The following GGNBP2 variants were observed in gnomAD, a reference collection of about 807,000 sequenced individuals.
GGNBP2 encodes the protein gametogenetin binding protein 2.
Under a neutral mutation model 85.9 loss-of-function variants are expected in GGNBP2, and 10 were observed. That is an observed-to-expected ratio of 0.12 (90% confidence interval 0.07 to 0.20). The LOEUF (loss-of-function observed/expected upper bound fraction) is 0.20. Ranked by LOEUF, GGNBP2 falls within the 10% of genes least tolerant of loss-of-function variation. The pLI, the probability that GGNBP2 is intolerant of heterozygous loss-of-function variation, is 1.00. For synonymous variants in GGNBP2, 287 were observed against 285.7 expected (o/e 1.00, Z -0.05); for missense variants, 595 against 857.8 (o/e 0.69, Z 3.83).
At chr17:36,553,170 A>G (rs2074327446) in intron 2 of GGNBP2, among the ~76,000 whole-genome samples, 1 of 152,182 alleles carries the variant, frequency 6.6e-6, no homozygotes. Flanking sequence ...GAAATATAGG[A>G]ACACATACAG....
chr17:36,563,860 C>CAGCCTCCCAAGT (rs2074444053), intron 5 of GGNBP2, among the ~76,000 whole-genome samples: 1 of 151,740 alleles, frequency 6.6e-6, no homozygotes, highest in African/African-American at 2.4e-5. Flanking sequence ...TCTCCTGCCT[C>CAGCCTCCCAAGT]AGCCTCCCAA....
intron 4 of GGNBP2, among the ~76,000 whole-genome samples, chr17:36,559,993 C>T (rs1254490978): frequency 1.3e-5 from 2 of 152,108 alleles, no homozygotes; most frequent in Non-Finnish European, 2.9e-5. Flanking sequence ...CACCACCACA[C>T]CTGTCTAATT....
intron 3 of GGNBP2, among the ~76,000 whole-genome samples, chr17:36,556,659 G>A (rs2142704660): frequency 6.6e-6 from 1 of 150,808 alleles, no homozygotes; most frequent in Non-Finnish European, 1.5e-5. Flanking sequence ...AGCTGAGATT[G>A]TGCTACTGCA....
intron 2 of GGNBP2, among the ~76,000 whole-genome samples, chr17:36,549,810 C>T (rs913678585): frequency 1.3e-5 from 2 of 152,070 alleles, no homozygotes; most frequent in Non-Finnish European, 2.9e-5. Context: ...ACTGTAAGAA[C>T]ATAAATAATG....
At chr17:36,569,591 T>G (rs564544412) in intron 6 of GGNBP2, among the ~76,000 whole-genome samples, 1 of 152,334 alleles carries the variant, frequency 6.6e-6, no homozygotes, top group East Asian at 1.9e-4. Context: ...TGTCATTACT[T>G]TATGTGGCAG....
At chr17:36,553,715 T>G (rs912582750) in intron 2 of GGNBP2, among the ~76,000 whole-genome samples, 1 of 152,220 alleles carries the variant, frequency 6.6e-6, no homozygotes, top group African/African-American at 2.4e-5. Context: ...AGTTAAGATA[T>G]ACATGTGTTA....
At chr17:36,589,061 C>T (rs2074732381) in intron 13 of GGNBP2, 147 bp from the exon 14 acceptor site, 1 of 631,754 alleles carries the variant, frequency 1.6e-6, no homozygotes, top group East Asian at 2.6e-5. Context: ...TGACATGATG[C>T]TTATTCTGCA....
At chr17:36,569,522 C>CAGAT (rs2074502145) in intron 6 of GGNBP2, among the ~76,000 whole-genome samples, 1 of 152,156 alleles carries the variant, frequency 6.6e-6, no homozygotes, top group Non-Finnish European at 1.5e-5. Context: ...GACTTTGAGG[C>CAGAT]AGATATACAC....
chr17:36,578,508 A>G (rs886747959), intron 7 of GGNBP2: 3 of 258,526 alleles, frequency 1.2e-5, no homozygotes, highest in East Asian at 7.4e-5. Flanking sequence ...TCCATGCATT[A>G]TCATGTGTAA....
intron 6 of GGNBP2, among the ~76,000 whole-genome samples, chr17:36,573,770 G>T (rs2074549572): frequency 6.6e-6 from 1 of 152,112 alleles, no homozygotes; most frequent in African/African-American, 2.4e-5. Context: ...GCATTTTCCT[G>T]ATGATTAGTG....
At chr17:36,575,620 A>G (rs1315293868) in intron 6 of GGNBP2, among the ~76,000 whole-genome samples, 1 of 65,920 alleles carries the variant, frequency 1.5e-5, no homozygotes, top group Non-Finnish European at 2.5e-5. Flanking sequence ...TAACATATAT[A>G]TATATATATA....
chr17:36,567,804 T>TGTG (rs1567825237), intron 6 of GGNBP2, 28 bp downstream of exon 6: 1 of 1,210,106 alleles, frequency 8.3e-7, no homozygotes, highest in African/African-American at 1.5e-5. Context: ...TCCAGTATAA[T>TGTG]GTGGAAGGTG....
intron 5 of GGNBP2, among the ~76,000 whole-genome samples, chr17:36,566,341 G>A (rs1386168486): frequency 6.6e-6 from 1 of 152,086 alleles, no homozygotes; most frequent in African/African-American, 2.4e-5. Context: ...GAGGGAGAGT[G>A]GGAAGTTTTT....
intron 5 of GGNBP2, among the ~76,000 whole-genome samples, chr17:36,566,668 G>A (rs2074471893): frequency 6.6e-6 from 1 of 150,742 alleles, no homozygotes; most frequent in South Asian, 2.1e-4. Context: ...GTGACAGAGC[G>A]AGAATCTGTC....
chr17:36,555,124 A>G (rs556465923), intron 3 of GGNBP2, among the ~76,000 whole-genome samples: 1 of 152,212 alleles, frequency 6.6e-6, no homozygotes, highest in Non-Finnish European at 1.5e-5. Context: ...TTACATGTCC[A>G]TAAGACTTTA....
Position 36,554,836 on chromosome 17 carries a change from C to T in GGNBP2, c.110C>T (p.Pro37Leu), listed in dbSNP as rs1270214582. 1 of 1,604,744 alleles carries T rather than the reference C, an allele frequency of 6.2e-7. No individual in the cohort carries two copies. The highest frequency in any genetic ancestry group is 8.5e-7 in the Non-Finnish European group (1 of 1,171,558). ...DDTLTMVMEF[P>L]DNVLNLDGHQ... ...CATTTTAAGATGGTGATGGAATTTC[C>T]TGATAATGTGTTAAATCTCGATGGA... The change falls in exon 3 of 14, where the codon CCT becomes CTT. Residue 37 changes from proline (P) to leucine (L), a missense_variant. Physicochemically the swap from Pro to Leu is moderately conservative, Grantham distance 98 (BLOSUM62 -3). Around this residue, in one of 9 missense-constraint regions of GGNBP2, gnomAD observed 216 missense variants for 293.4 expected, o/e 0.74. Transcript: ENST00000613102.
At chr17:36,553,245 G>C (rs1299511147) in intron 2 of GGNBP2, among the ~76,000 whole-genome samples, 1 of 152,158 alleles carries the variant, frequency 6.6e-6, no homozygotes, top group Non-Finnish European at 1.5e-5. Flanking sequence ...GAAAGATAAA[G>C]TATACACACT....
intron 9 of GGNBP2, among the ~76,000 whole-genome samples, chr17:36,582,775 A>G (rs1486987966): frequency 6.6e-6 from 1 of 152,206 alleles, no homozygotes; most frequent in Non-Finnish European, 1.5e-5. Context: ...ACCTCTGTGC[A>G]TGACCTAGAG....
intron 5 of GGNBP2, among the ~76,000 whole-genome samples, chr17:36,565,935 A>T (rs184188828): frequency 1.3e-5 from 2 of 152,154 alleles, no homozygotes; most frequent in Non-Finnish European, 2.9e-5. Flanking sequence ...AGGATGTAGC[A>T]TGGAAAGTGG....
Sources: gnomAD v4.1 joint callset for allele counts (sites outside exome capture counted in the v4.1 genomes callset) on GRCh38, gnomAD v4.1.1 for gene constraint, gnomAD v4.1.1 regional missense constraint, MANE v1.5 for transcripts, NCBI Gene and HGNC (gene_info 2026-07-23, HGNC 2026-07-21) for gene names.